Variants in ITIH1 observed in about 807,000 individuals in gnomAD.
The protein encoded by ITIH1 is inter-alpha-trypsin inhibitor heavy chain H1.
A neutral mutation model predicts 104.6 loss-of-function variants in ITIH1; 94 were observed. That is an observed-to-expected ratio of 0.90 (90% CI 0.76 to 1.07). The LOEUF is 1.07. ITIH1 is among the 50% of genes least tolerant of loss of function. The pLI is 0.00. For missense variants in ITIH1, 1,193 were observed against 1,181.4 expected (o/e 1.01, Z -0.14); for synonymous variants, 455 against 464.4 (o/e 0.98, Z 0.26).
chr3:52,778,268 C>A (rs1024135812), intron 2 of ITIH1, 72 bp from the exon 3 acceptor site: 7 of 1,496,478 alleles, frequency 4.7e-6, no homozygotes, highest in African/African-American at 1.4e-5. Flanking sequence ...GTGCCAAGTC[C>A]CCGTACCACA....
intron 13 of ITIH1, 126 bp downstream of exon 13, chr3:52,786,560 G>A: frequency 1.0e-6 from 1 of 970,444 alleles, no homozygotes; most frequent in South Asian, 1.7e-5. Flanking sequence ...CTTCTGCTTT[G>A]CTCACTGAGT....
intron 20 of ITIH1, among the ~76,000 whole-genome samples, 194 bp from the exon 21 acceptor site, chr3:52,791,323 C>G (rs1337181015): frequency 6.6e-6 from 1 of 152,134 alleles, no homozygotes; most frequent in Admixed American, 6.5e-5. Context: ...GTAGGACCAC[C>G]TAGAAATGTA....
chr3:52,783,394 A>G, intron 10 of ITIH1, 55 bp downstream of exon 10: 2 of 1,582,018 alleles, frequency 1.3e-6, no homozygotes, highest in East Asian at 2.3e-5. Flanking sequence ...CACCCGAGAC[A>G]TGCAAGCTGA....
At chr3:52,781,280 CTTCTTCCTCT>C (rs1559461456) in intron 6 of ITIH1, among the ~76,000 whole-genome samples, 7 of 139,674 alleles carry the variant, frequency 5.0e-5, no homozygotes, top group Admixed American at 3.0e-4. Flanking sequence ...TCTTCTTCTT[CTTCTTCCTCT>C]TCTTCTTCTT....
intron 8 of ITIH1, 105 bp from the exon 9 acceptor site, chr3:52,782,852 C>T: frequency 8.7e-7 from 1 of 1,146,080 alleles, no homozygotes; most frequent in Non-Finnish European, 1.3e-6. Flanking sequence ...TCTCCTCCTG[C>T]TTGTCCACCC....
intron 12 of ITIH1, among the ~76,000 whole-genome samples, chr3:52,785,947 G>A (rs1699185344): frequency 6.6e-6 from 1 of 152,236 alleles, no homozygotes; most frequent in South Asian, 2.1e-4. Context: ...GCACATTTGT[G>A]TGCCGTGGCA....
rs762274658 is a variant in ITIH1 at position 52,781,931 on chromosome 3, C to T, written c.688-9C>T. 8.7e-6 allele frequency: 14 copies of T among 1,613,822 alleles called. No homozygotes were observed. The highest frequency in any genetic ancestry group is 3.3e-5 in the South Asian group (3 of 91,064). On this transcript the variant is annotated splice_polypyrimidine_tract_variant and intron_variant, in intron 6 of 21. Transcript: ENST00000273283. ...GACCAGTAATGGCTCACACTCTCGACGGTTCCAGGGTCATGTGCTGTTCCG... is the reference window on the plus strand; with the variant it reads ...GACCAGTAATGGCTCACACTCTCGATGGTTCCAGGGTCATGTGCTGTTCCG...
rs141658601 is a variant in ITIH1, at chr3:52,792,010, G to T, written c.*99G>T. The T allele has an allele frequency of 1.5e-3, 1,970 of 1,356,592 alleles. 3 individuals are homozygous for T. Among genetic ancestry groups the T allele is most frequent in the Non-Finnish European group, 1.9e-3 (1,843 of 993,424 alleles). The allele number at this position is 1,356,592 out of a possible 1,614,324, so 84.0% of individuals were successfully genotyped here. A position where few individuals can be genotyped will look rare whatever the true frequency, so the allele number is the denominator to read the frequency against. On this transcript the variant is annotated 3_prime_UTR_variant, in exon 22 of 22. Coordinates refer to ENST00000273283, the MANE Select transcript of ITIH1 (RefSeq NM_002215.4). Reference sequence around the variant, plus strand: ...GAGGCTGTACCTCCTTGACTAAGCTGGTTCCTTGTGTCAAAGCACCTCATG... The same window carrying T: ...GAGGCTGTACCTCCTTGACTAAGCTTGTTCCTTGTGTCAAAGCACCTCATG...
At chr3:52,790,515 G>A in intron 19 of ITIH1, 1 of 490,508 alleles carries the variant, frequency 2.0e-6, no homozygotes, top group Non-Finnish European at 3.6e-6. Context: ...GGCTCGGAGT[G>A]AGGATTGAAT....
chr3:52,786,906 CAAGTCGGG>C (rs1699218081), intron 13 of ITIH1, 31 bp from the exon 14 acceptor site: 1 of 1,573,800 alleles, frequency 6.4e-7, no homozygotes, highest in African/African-American at 1.4e-5. Context: ...GAGGGCCGTG[CAAGTCGGG>C]GCTTGGAGCC....
At chr3:52,781,401 A>G (rs2154108293) in intron 6 of ITIH1, among the ~76,000 whole-genome samples, 1 of 149,152 alleles carries the variant, frequency 6.7e-6, no homozygotes, top group Non-Finnish European at 1.5e-5. Context: ...CTTCTTTTTG[A>G]TGAGCCTACC....
At position 52,789,837 on chromosome 3, in the gene ITIH1, T is replaced by G; in HGVS notation, c.2304T>G (p.Ala768=). 1 of 1,614,194 alleles carries G rather than the reference T, an allele frequency of 6.2e-7. No individual in the cohort carries two copies. Among genetic ancestry groups the G allele is most frequent in the Non-Finnish European group, 8.5e-7 (1 of 1,180,036 alleles). Residue 768 remains alanine, a synonymous_variant, in exon 19 of 22, where the codon GCT becomes GCG. Coordinates refer to ENST00000273283, the MANE Select transcript of ITIH1 (RefSeq NM_002215.4). ...CTGTGTTTTCCTGGAGGGACCAAGC[T>G]GTGCTGCGGCAGGACGGGTAACCTG... The part of the protein sequence containing the change: ...GGPVFSWRDQ[A]VLRQDGVVVT...
At position 52,781,897 on chromosome 3, in the gene ITIH1, G is replaced by A. The variant is rs773471980; in HGVS notation, c.688-43G>A. 43 of 1,608,544 alleles carry A rather than the reference G, an allele frequency of 2.7e-5. No homozygotes were observed. The African/African-American group carries it at 4.0e-4, about 15-fold the overall frequency. On this transcript the variant is annotated intron_variant, in intron 6 of 21. Transcript: ENST00000273283. ...TTGTCTTTGCAAACATCTTGTTTGT[G>A]GTTACACAGACCAGTAATGGCTCAC...
chr3:52,784,287 G>A lies in ITIH1; in HGVS notation c.1226-9G>A. 1 of 1,610,798 alleles carries A rather than the reference G, an allele frequency of 6.2e-7. No homozygotes were observed. The highest frequency in any genetic ancestry group is 1.1e-5 in the South Asian group (1 of 90,480). ...GCATCCCGTCACTACCCAGGTGTGTGGCTTGCAGGGGTGACGGACCGTTCC... is the reference window on the plus strand; with the variant it reads ...GCATCCCGTCACTACCCAGGTGTGTAGCTTGCAGGGGTGACGGACCGTTCC... On this transcript the variant is annotated splice_polypyrimidine_tract_variant and intron_variant, in intron 10 of 21. Coordinates refer to ENST00000273283, the MANE Select transcript of ITIH1 (RefSeq NM_002215.4).
chr3:52,786,812 C>A, intron 13 of ITIH1, 133 bp from the exon 14 acceptor site: 1 of 1,054,348 alleles, frequency 9.5e-7, no homozygotes, highest in Non-Finnish European at 1.4e-6. Context: ...CTGCATAGGA[C>A]ACCATGGGGG....
Position 52,786,958 on chromosome 3 carries a change from A to G in ITIH1, c.1747A>G (p.Arg583Gly), listed in dbSNP as rs760321374. ...TCTTGAATGCAGGATGAAGGTGGAC[A>G]GGGAGGAGAGGGCCAACCTGTCATC... ...ELLAKRMKVD[R>G]EERANLSSQA... Residue 583 changes from arginine (R) to glycine (G), a missense_variant, in exon 14 of 22, where the codon AGG (arginine) becomes GGG (glycine). Arg to Gly is a moderately radical substitution (Grantham distance 125). Coordinates refer to ENST00000273283, the MANE Select transcript of ITIH1 (RefSeq NM_002215.4). 1.9e-6 allele frequency: 3 copies of G among 1,613,094 alleles called. No homozygotes were observed. The South Asian group carries it at 3.3e-5, about 18-fold the overall frequency.
At position 52,779,793 on chromosome 3, in the gene ITIH1, G is replaced by A; in HGVS notation, c.573+199G>A. The A allele has an allele frequency of 9.5e-7, 1 of 1,056,778 alleles. No homozygotes were observed. Among genetic ancestry groups the A allele is most frequent in the Non-Finnish European group, 1.3e-6 (1 of 750,258 alleles). 65.5% of individuals were successfully genotyped at this position (1,056,778 alleles called of 1,614,324 possible). A position where few individuals can be genotyped will look rare whatever the true frequency, so the allele number is the denominator to read the frequency against. On this transcript the variant is annotated intron_variant, in intron 5 of 21. Transcript: ENST00000273283. This position sits in a 1 kb window ranked among gnomAD's most constrained non-coding sequence, Gnocchi z 4.4. ...TCTCTAACTTCCTCTTTATCTCTGA[G>A]CTTCGGTTTGCTCATCTGCTAGACG...
chr3:52,786,817 TG>T (rs1699214560), intron 13 of ITIH1, 127 bp from the exon 14 acceptor site: 1 of 1,106,464 alleles, frequency 9.0e-7, no homozygotes, highest in Non-Finnish European at 1.3e-6. Flanking sequence ...TAGGACACCA[TG>T]GGGGCTTAAT....
At chr3:52,778,770 C>A in intron 3 of ITIH1, 172 bp from the exon 4 acceptor site, 1 of 1,187,554 alleles carries the variant, frequency 8.4e-7, no homozygotes, top group East Asian at 2.6e-5. Flanking sequence ...TTCTTGCTGG[C>A]CTCTGACCTG....
Sources: gnomAD v4.1 joint callset for allele counts (sites outside exome capture counted in the v4.1 genomes callset) on GRCh38, gnomAD v4.1.1 for gene constraint, Gnocchi (gnomAD v3.1) non-coding constraint, MANE v1.5 for transcripts, NCBI Gene and HGNC (gene_info 2026-07-23, HGNC 2026-07-21) for gene names.